Variants in DNAH3 observed in about 807,000 individuals in gnomAD.
The protein encoded by DNAH3 is axonemal beta dynein heavy chain 3.
A neutral mutation model predicts 432.5 loss-of-function variants in DNAH3; 332 were observed. The observed-to-expected ratio is 0.77, with a 90% CI of 0.70 to 0.84. The LOEUF (loss-of-function observed/expected upper bound fraction) is 0.84. Among genes scored for constraint, DNAH3 ranks in the 40% least tolerant of loss-of-function variants. The probability of loss-of-function intolerance (pLI) is 0.00; values close to 1 mark genes in which losing one functional copy is unlikely to be tolerated. For synonymous variants in DNAH3, 1,956 were observed against 1,900.2 expected (o/e 1.03, Z -0.76); for missense variants, 4,861 against 5,114.0 (o/e 0.95, Z 1.51).
intron 52 of DNAH3, among the ~76,000 whole-genome samples, chr16:20,969,133 T>C (rs548722880): frequency 6.6e-6 from 1 of 151,668 alleles, no homozygotes; most frequent in East Asian, 1.9e-4. Flanking sequence ...TCCCTGTCTC[T>C]TTCTCCCGAT....
chr16:20,991,159 A>G (rs1301891891), intron 44 of DNAH3, among the ~76,000 whole-genome samples: 1 of 152,188 alleles, frequency 6.6e-6, no homozygotes, highest in Non-Finnish European at 1.5e-5. Flanking sequence ...TGACTTTTAT[A>G]GTAATTGCTG....
chr16:21,106,848 T>C (rs1258305353), intron 14 of DNAH3, among the ~76,000 whole-genome samples, 174 bp from the exon 15 acceptor site: 1 of 152,122 alleles, frequency 6.6e-6, no homozygotes, highest in Non-Finnish European at 1.5e-5. Flanking sequence ...AATATTCACA[T>C]GCACACTAAA....
intron 41 of DNAH3, among the ~76,000 whole-genome samples, chr16:21,010,891 T>TTTTTTTTTTG (rs1567632489): frequency 1.4e-5 from 1 of 72,072 alleles, no homozygotes; most frequent in African/African-American, 4.8e-5. Flanking sequence ...AAAACCTGTT[T>TTTTTTTTTTG]TTTTTTTTTT....
exon 44 of DNAH3, chr16:20,997,328 C>G: frequency 2.5e-6 from 4 of 1,614,142 alleles, no homozygotes; most frequent in Non-Finnish European, 3.4e-6. Context: ...ATGGCTGTCA[C>G]GAGCAGCATG....
chr16:20,975,130 C>T, intron 51 of DNAH3, 103 bp downstream of exon 51: 1 of 1,407,600 alleles, frequency 7.1e-7, no homozygotes, highest in Admixed American at 2.0e-5. Context: ...CATGCCCAGC[C>T]TTGCCTACCC....
At chr16:20,962,367 G>A (rs1758264571) in intron 53 of DNAH3, among the ~76,000 whole-genome samples, 1 of 152,050 alleles carries the variant, frequency 6.6e-6, no homozygotes, top group African/African-American at 2.4e-5. Flanking sequence ...TAATTTAATT[G>A]GCCAAAGCTG....
chr16:21,159,277 C>T (rs2092933907), intron 1 of DNAH3: 1 of 1,509,274 alleles, frequency 6.6e-7, no homozygotes, highest in South Asian at 1.1e-5. Flanking sequence ...CCTCTGAGTT[C>T]CCATTATTCA....
chr16:20,997,584 A>G, intron 43 of DNAH3, 122 bp from the exon 44 acceptor site: 6 of 1,165,628 alleles, frequency 5.1e-6, no homozygotes, highest in African/African-American at 1.5e-5. Flanking sequence ...TCCCCATTCC[A>G]GTTAGGGCTT....
chr16:21,141,366 C>G, exon 4 of DNAH3: 2 of 1,586,308 alleles, frequency 1.3e-6, no homozygotes, highest in Non-Finnish European at 1.7e-6. Flanking sequence ...TGATGAGCTT[C>G]TATTTCCTGG....
In DNAH3 at chr16:21,150,313, C is replaced by T. The variant is rs147164927; in HGVS notation, c.118-4225G>A. The stretch of plus-strand genomic sequence containing the variant: ...ACCTTCTGAGATGAGCAATCCATGT[C>T]ACCCATGGTGTCCACTCTAATTGTA... On this transcript the variant is annotated intron_variant, in intron 1 of 61. Transcript: ENST00000261383. 154 of 455,858 alleles carry T rather than the reference C, an allele frequency of 3.4e-4. 1 individual carries two copies. Among genetic ancestry groups the T allele is most frequent in the African/African-American group, 2.6e-3 (130 of 50,086 alleles). 28.2% of individuals were successfully genotyped at this position (455,858 alleles called of 1,614,324 possible).
intron 31 of DNAH3, among the ~76,000 whole-genome samples, chr16:21,047,419 ATTCAT>A (rs1198849291): frequency 6.6e-6 from 1 of 151,316 alleles, no homozygotes; most frequent in Non-Finnish European, 1.5e-5. Flanking sequence ...GCTTCATTTC[ATTCAT>A]TTCATCTTCC....
At chr16:21,046,743 G>A (rs1197756682) in intron 31 of DNAH3, among the ~76,000 whole-genome samples, 4 of 151,540 alleles carry the variant, frequency 2.6e-5, no homozygotes, top group Admixed American at 6.6e-5. Context: ...TATTTTGCTC[G>A]TTAGTTGATG....
chr16:20,988,647 T>C (rs535778926), intron 44 of DNAH3, among the ~76,000 whole-genome samples: 15 of 152,368 alleles, frequency 9.8e-5, no homozygotes, highest in South Asian at 2.1e-4. Flanking sequence ...ATGATCATTG[T>C]AAAAGAGTCT....
chr16:21,024,021 A>G (rs2088403394), intron 39 of DNAH3, among the ~76,000 whole-genome samples: 2 of 152,086 alleles, frequency 1.3e-5, no homozygotes, highest in East Asian at 1.9e-4. Context: ...AACCACAGAC[A>G]CCGCTACTCC....
exon 37 of DNAH3, chr16:21,031,189 G>A (rs769439059): frequency 5.6e-6 from 9 of 1,613,980 alleles, no homozygotes; most frequent in South Asian, 3.3e-5. Flanking sequence ...CCATCCACTC[G>A]TGGCTCACTT....
intron 50 of DNAH3, among the ~76,000 whole-genome samples, chr16:20,976,632 G>A (rs79325497): frequency 0.025 from 3,813 of 152,268 alleles, 182 homozygotes; most frequent in African/African-American, 0.087. Context: ...TTTATATGTT[G>A]AAGCATAATC....
chr16:20,978,172 C>T (rs1047748213), intron 50 of DNAH3, among the ~76,000 whole-genome samples: 6 of 152,198 alleles, frequency 3.9e-5, no homozygotes, highest in African/African-American at 1.4e-4. Flanking sequence ...TGTCAGCTTA[C>T]TTCATCTTCA....
rs773970016 is a variant in DNAH3, at chr16:21,084,801, C to T, written c.2877+2048G>A. Among the ~76,000 whole-genome samples, 152 of 152,070 alleles carry T rather than the reference C, an allele frequency of 1.0e-3. 1 individual carries two copies. The highest frequency in any genetic ancestry group is 5.0e-4 in the Non-Finnish European group (34 of 68,022). On this transcript the variant is annotated intron_variant, in intron 19 of 61. Coordinates refer to ENST00000261383, the Ensembl canonical transcript of DNAH3. Reference sequence around the variant, plus strand: ...TTGGGATTTTCTGAGTGCCCACATACAAGAATAGCATCATAGAGGAAGCAC... The same window carrying T: ...TTGGGATTTTCTGAGTGCCCACATATAAGAATAGCATCATAGAGGAAGCAC...
At chr16:21,148,269 C>T (rs1159301093) in intron 1 of DNAH3, among the ~76,000 whole-genome samples, 1 of 152,048 alleles carries the variant, frequency 6.6e-6, no homozygotes, top group South Asian at 2.1e-4. Context: ...TACTATCTAC[C>T]ATTATTCCAA....
Sources: gnomAD v4.1 joint callset for allele counts (sites outside exome capture counted in the v4.1 genomes callset) on GRCh38, gnomAD v4.1.1 for gene constraint, MANE v1.5 for transcripts, NCBI Gene and HGNC (gene_info 2026-07-23, HGNC 2026-07-21) for gene names.